The following TG variants were observed in gnomAD, a reference collection of about 807,000 sequenced individuals.
The protein encoded by TG is thyroglobulin.
In TG, 270 loss-of-function variants were observed where a neutral mutation model predicts 324.7. The observed-to-expected ratio is 0.83, with a 90% confidence interval of 0.75 to 0.92. The LOEUF (loss-of-function observed/expected upper bound fraction) is 0.92, where lower values mean the gene tolerates loss of function less well. TG is among the 40% of genes least tolerant of loss of function. The pLI is 0.00. For missense variants in TG, 3,591 were observed against 3,456.4 expected, an observed-to-expected ratio of 1.04 and a Z score of -0.98; for synonymous variants, 1,401 against 1,327.0, an observed-to-expected ratio of 1.06 and a Z score of -1.21.
At chr8:132,876,720 A>G (rs1813852658) in intron 5 of TG, among the ~76,000 whole-genome samples, 2 of 152,214 alleles carry the variant, frequency 1.3e-5, no homozygotes. Flanking sequence ...CTCATGCCCC[A>G]TCTTTTATAT....
At chr8:132,931,588 G>A (rs1822726867) in intron 23 of TG, among the ~76,000 whole-genome samples, 1 of 152,132 alleles carries the variant, frequency 6.6e-6, no homozygotes, top group Admixed American at 6.5e-5. Flanking sequence ...GCTATGGTTG[G>A]GGTCATGGTA....
chr8:133,111,777 T>G (rs979160545), intron 43 of TG, among the ~76,000 whole-genome samples: 3 of 152,238 alleles, frequency 2.0e-5, no homozygotes, highest in Non-Finnish European at 4.4e-5. Flanking sequence ...ATGATGAATA[T>G]TCACAGATTC....
intron 40 of TG, among the ~76,000 whole-genome samples, chr8:133,027,102 C>T (rs1265069685): frequency 6.6e-6 from 1 of 152,224 alleles, no homozygotes; most frequent in Non-Finnish European, 1.5e-5. Flanking sequence ...ATGGCCACTA[C>T]ACTGCACTGC....
rs142124591 is a variant in TG at position 132,898,178 on chromosome 8, G to T, written c.3149G>T (p.Trp1050Leu). The T allele has an allele frequency of 1.2e-4, 200 of 1,603,082 alleles. No individual in the cohort carries two copies. In the Middle Eastern group the frequency reaches 3.4e-3, roughly 27 times the overall value. ...VQCHAGTGHC[W>L]CVDEKGGFIP... Reference sequence around the variant, plus strand: ...CTTGGCTCTTTTCCAGGGCACTGCTGGTGTGTAGATGAGAAAGGAGGGTTC... The same window carrying T: ...CTTGGCTCTTTTCCAGGGCACTGCTTGTGTGTAGATGAGAAAGGAGGGTTC... The change falls in exon 13 of 48, where the codon TGG becomes TTG. Residue 1050 changes from tryptophan (W) to leucine (L), a missense_variant. Physicochemically the swap from Trp to Leu is moderately conservative, Grantham distance 61. Transcript: ENST00000220616.
intron 8 of TG, chr8:132,883,336 C>A: frequency 3.2e-6 from 1 of 315,290 alleles, no homozygotes; most frequent in Non-Finnish European, 6.0e-6. Flanking sequence ...GATCTTGCAG[C>A]AGGTATGGGA....
intron 24 of TG, among the ~76,000 whole-genome samples, chr8:132,934,740 A>C (rs1452090210): frequency 6.6e-6 from 1 of 152,220 alleles, no homozygotes; most frequent in African/African-American, 2.4e-5. Context: ...AGGAAACTCA[A>C]AATTTGGCAG....
At chr8:133,125,615 C>G (rs1295259826) in intron 45 of TG, among the ~76,000 whole-genome samples, 1 of 152,202 alleles carries the variant, frequency 6.6e-6, no homozygotes, top group East Asian at 1.9e-4. Flanking sequence ...CCAGACATTG[C>G]ATGAGGAGCT....
At chr8:133,099,466 C>A (rs1415785981) in intron 43 of TG, among the ~76,000 whole-genome samples, 1 of 152,214 alleles carries the variant, frequency 6.6e-6, no homozygotes, top group Non-Finnish European at 1.5e-5. Flanking sequence ...TGCATGCAAT[C>A]ATCTCCTAAA....
At chr8:132,910,730 T>A (rs1400471821) in intron 18 of TG, among the ~76,000 whole-genome samples, 1 of 152,252 alleles carries the variant, frequency 6.6e-6, no homozygotes, top group Non-Finnish European at 1.5e-5. Context: ...AAAAAAGTTC[T>A]GTTGTTTATA....
At chr8:133,108,281 C>T (rs114596881) in intron 43 of TG, among the ~76,000 whole-genome samples, 3,524 of 152,126 alleles carry the variant, frequency 0.023, 142 homozygotes, top group African/African-American at 0.079. Context: ...CCACCACGCC[C>T]GGCCTGGGGA....
At chr8:132,922,353 G>A (rs1664508693) in intron 21 of TG, among the ~76,000 whole-genome samples, 2 of 152,310 alleles carry the variant, frequency 1.3e-5, no homozygotes, top group African/African-American at 2.4e-5. Context: ...ACAGAAGCTT[G>A]TTTTGTGGGT....
intron 41 of TG, among the ~76,000 whole-genome samples, chr8:133,045,292 G>A (rs1250626888): frequency 2.0e-5 from 3 of 151,460 alleles, no homozygotes; most frequent in East Asian, 1.9e-4. Flanking sequence ...GTTGCTTCCC[G>A]TTAGAGACTG....
chr8:133,047,939 A>G (rs1425112634), intron 41 of TG: 1 of 1,581,126 alleles, frequency 6.3e-7, no homozygotes, highest in Admixed American at 1.7e-5. Flanking sequence ...GCCAGCTGGG[A>G]AGGAGGAAGA....
At chr8:133,013,378 C>T (rs1359146781) in intron 36 of TG, among the ~76,000 whole-genome samples, 1 of 151,258 alleles carries the variant, frequency 6.6e-6, no homozygotes, top group Non-Finnish European at 1.5e-5. Flanking sequence ...TTCATGGATA[C>T]ATGATTTGAT....
intron 41 of TG, among the ~76,000 whole-genome samples, chr8:133,057,349 A>G (rs1480894594): frequency 1.3e-5 from 2 of 152,184 alleles, no homozygotes; most frequent in Non-Finnish European, 2.9e-5. Context: ...CTGGTACAGA[A>G]GTATGTATAG....
chr8:133,014,034 T>C (rs1258377317), intron 37 of TG, among the ~76,000 whole-genome samples: 1 of 152,242 alleles, frequency 6.6e-6, no homozygotes, highest in Non-Finnish European at 1.5e-5. Flanking sequence ...TATTATGGTT[T>C]TGTAGTTTAG....
intron 41 of TG, chr8:133,050,447 G>GT (rs1306539273): frequency 4.1e-6 from 1 of 244,176 alleles, no homozygotes; most frequent in Non-Finnish European, 8.0e-6. Flanking sequence ...GCAAATTTTT[G>GT]TTTTTTCTCA....
At chr8:133,127,673 G>T (rs1354838332) in intron 45 of TG, among the ~76,000 whole-genome samples, 1 of 152,150 alleles carries the variant, frequency 6.6e-6, no homozygotes, top group Non-Finnish European at 1.5e-5. Flanking sequence ...TAGTAAGCAT[G>T]CAGTTTAGTG....
intron 29 of TG, among the ~76,000 whole-genome samples, chr8:132,963,703 A>C (rs868007549): frequency 2.2e-5 from 1 of 44,798 alleles, no homozygotes; most frequent in African/African-American, 1.4e-4. Flanking sequence ...GTGTGTGTGT[A>C]TTTGCATGCA....
Sources: allele counts gnomAD v4.1 joint callset (sites outside exome capture counted in the v4.1 genomes callset), GRCh38; gene constraint gnomAD v4.1.1; transcripts MANE v1.5; gene names NCBI Gene and HGNC (gene_info 2026-07-23, HGNC 2026-07-21).